Variants in NEBL observed in about 807,000 individuals in gnomAD.
The protein encoded by NEBL is nebulette, also known as LIM and SH3 protein 2.
Under a neutral mutation model 140.2 loss-of-function variants are expected in NEBL, and 122 were observed. That is an observed-to-expected ratio of 0.87 (90% CI 0.75 to 1.01). NEBL has a LOEUF of 1.01. Ranked by LOEUF, NEBL falls within the 50% of genes least tolerant of loss-of-function variation. NEBL has a pLI of 0.00. For synonymous variants in NEBL, 436 were observed against 398.9 expected, an observed-to-expected ratio of 1.09 and a Z score of -1.11; for missense variants, 1,365 against 1,231.3, an observed-to-expected ratio of 1.11 and a Z score of -1.62.
intron 4 of NEBL, among the ~76,000 whole-genome samples, chr10:20,933,390 A>G (rs933792554): frequency 1.3e-5 from 2 of 152,202 alleles, no homozygotes; most frequent in African/African-American, 4.8e-5. Context: ...CTACTAGACT[A>G]TATGACTGAC....
At chr10:20,913,385 T>G (rs753951548) in intron 4 of NEBL, among the ~76,000 whole-genome samples, 3 of 152,194 alleles carry the variant, frequency 2.0e-5, no homozygotes, top group Non-Finnish European at 4.4e-5. Flanking sequence ...AAAACTCTAT[T>G]CTGTTTCTTA....
At chr10:21,233,634 A>C (rs1842296298) in intron 3 of NEBL, among the ~76,000 whole-genome samples, 1 of 145,558 alleles carries the variant, frequency 6.9e-6, no homozygotes, top group African/African-American at 2.5e-5. Context: ...ATCTATATAG[A>C]GAGACTTATC....
chr10:21,065,378 AAAGT>A (rs560373521), intron 2 of NEBL, among the ~76,000 whole-genome samples: 5 of 152,318 alleles, frequency 3.3e-5, no homozygotes, highest in Admixed American at 3.3e-4. Context: ...GATAAAAAGG[AAAGT>A]AAGTGTGAGG....
chr10:20,847,235 A>G (rs1189695581), intron 11 of NEBL, among the ~76,000 whole-genome samples: 1 of 152,184 alleles, frequency 6.6e-6, no homozygotes, highest in Non-Finnish European at 1.5e-5. Flanking sequence ...GGCCTTTAGC[A>G]TATGAATTGG....
chr10:20,971,612 A>ATTTTT (rs1232484471), intron 3 of NEBL, among the ~76,000 whole-genome samples: 9 of 71,010 alleles, frequency 1.3e-4, no homozygotes, highest in Non-Finnish European at 2.4e-4. Context: ...CAACCCTAGA[A>ATTTTT]TTTTTTTTTT....
intron 3 of NEBL, among the ~76,000 whole-genome samples, chr10:21,211,082 A>G (rs1841908145): frequency 6.6e-6 from 1 of 152,228 alleles, no homozygotes; most frequent in African/African-American, 2.4e-5. Flanking sequence ...CAGTAGGAAT[A>G]AAGGCCACTC....
intron 4 of NEBL, among the ~76,000 whole-genome samples, chr10:20,886,228 G>A (rs1846506023): frequency 6.6e-6 from 1 of 152,014 alleles, no homozygotes; most frequent in Admixed American, 6.6e-5. Flanking sequence ...TACTTAAAAA[G>A]ATTCTGGGGA....
chr10:21,263,295 T>C (rs1457575444), intron 1 of NEBL, among the ~76,000 whole-genome samples: 1 of 152,128 alleles, frequency 6.6e-6, no homozygotes, highest in Admixed American at 6.5e-5. Flanking sequence ...ACACCTTTTA[T>C]TAAGAAGAGC....
At chr10:21,107,095 G>A (rs1217922512) in intron 2 of NEBL, among the ~76,000 whole-genome samples, 3 of 152,110 alleles carry the variant, frequency 2.0e-5, no homozygotes, top group African/African-American at 7.2e-5. Flanking sequence ...GAGACGATGG[G>A]TTTTTCTAAA....
intron 1 of NEBL, among the ~76,000 whole-genome samples, chr10:21,268,706 A>G (rs766143523): frequency 2.5e-4 from 38 of 151,756 alleles, no homozygotes; most frequent in Non-Finnish European, 5.3e-4. Context: ...GTATTTTTCA[A>G]TAGAGACAGA....
chr10:20,965,149 G>T (rs2131625095), intron 3 of NEBL, among the ~76,000 whole-genome samples: 1 of 152,292 alleles, frequency 6.6e-6, no homozygotes, highest in East Asian at 1.9e-4. Context: ...CACCTACTAT[G>T]GGCCAAGAGC....
chr10:21,125,467 T>C (rs1482036381), intron 2 of NEBL, among the ~76,000 whole-genome samples: 1 of 152,198 alleles, frequency 6.6e-6, no homozygotes, highest in Non-Finnish European at 1.5e-5. Context: ...CTGGGCTATT[T>C]AAGGCTTCCC....
At chr10:21,255,736 A>G (rs1464022796) in intron 1 of NEBL, among the ~76,000 whole-genome samples, 3 of 152,168 alleles carry the variant, frequency 2.0e-5, no homozygotes, top group Non-Finnish European at 2.9e-5. Context: ...GGTGGCTCAC[A>G]CCGGTAATCC....
chr10:21,033,106 T>A (rs1289546878), intron 2 of NEBL, among the ~76,000 whole-genome samples: 1 of 152,182 alleles, frequency 6.6e-6, no homozygotes, highest in Non-Finnish European at 1.5e-5. Context: ...ATCACGGGAA[T>A]ACACAAACAA....
At chr10:21,155,847 C>A (rs911264933) in intron 2 of NEBL, among the ~76,000 whole-genome samples, 3 of 152,146 alleles carry the variant, frequency 2.0e-5, no homozygotes, top group African/African-American at 7.2e-5. Flanking sequence ...TTATAATTAT[C>A]CATTTTCTCT....
Position 20,909,034 on chromosome 10 carries a change from G to C in NEBL, c.357+52638C>G, listed in dbSNP as rs943911215. On this transcript the variant is annotated intron_variant, in intron 4 of 6. Transcript: ENST00000417816. The stretch of plus-strand genomic sequence containing the variant: ...TTTTAATTTTTTGGGTACACAGTAG[G>C]TATATATATTTATGGGGTACATGAA... Among the ~76,000 whole-genome samples the C allele has an allele frequency of 2.6e-5, 4 of 151,746 alleles. No individual in the cohort carries two copies. In the East Asian group the frequency reaches 7.7e-4, roughly 29 times the overall value.
At chr10:21,199,728 A>G (rs546392307) in intron 3 of NEBL, among the ~76,000 whole-genome samples, 2 of 152,296 alleles carry the variant, frequency 1.3e-5, no homozygotes, top group South Asian at 2.1e-4. Context: ...CTCACTGGTG[A>G]GTCCCTCTCC....
At chr10:21,035,400 C>G (rs537367770) in intron 2 of NEBL, among the ~76,000 whole-genome samples, 1 of 150,930 alleles carries the variant, frequency 6.6e-6, no homozygotes, top group African/African-American at 2.4e-5. Context: ...TTGTGTACAA[C>G]CTTGTCAACT....
chr10:21,128,598 G>C (rs1050324118), intron 2 of NEBL, among the ~76,000 whole-genome samples: 2 of 151,942 alleles, frequency 1.3e-5, no homozygotes, highest in Non-Finnish European at 2.9e-5. Context: ...AATTATTAAA[G>C]ATATAAAAGA....
Sources: allele counts gnomAD v4.1 joint callset (sites outside exome capture counted in the v4.1 genomes callset), GRCh38; gene constraint gnomAD v4.1.1; transcripts MANE v1.5; gene names NCBI Gene and HGNC (gene_info 2026-07-23, HGNC 2026-07-21).